The following SKAP2 variants were observed in gnomAD, a reference collection of about 807,000 sequenced individuals.
SKAP2 encodes the protein src kinase associated phosphoprotein 2.
A neutral mutation model predicts 54.9 loss-of-function variants in SKAP2; 28 were observed. That is an observed-to-expected ratio of 0.51 (90% CI 0.38 to 0.70). The LOEUF (loss-of-function observed/expected upper bound fraction) is 0.70. SKAP2 is among the 30% of genes least tolerant of loss of function. SKAP2 has a pLI of 0.00. For missense variants in SKAP2, 356 were observed against 424.1 expected, an observed-to-expected ratio of 0.84 and a Z score of 1.41; for synonymous variants, 137 against 134.3, an observed-to-expected ratio of 1.02 and a Z score of -0.14.
chr7:26,832,557 G>A (rs955777458), intron 4 of SKAP2, among the ~76,000 whole-genome samples: 1 of 152,088 alleles, frequency 6.6e-6, no homozygotes, highest in African/African-American at 2.4e-5. Context: ...CAGGCATGCT[G>A]GTGCATGCCT....
At chr7:26,857,324 A>AAAAAAAAAAC (rs1785189028) in intron 1 of SKAP2, 1 of 252,548 alleles carries the variant, frequency 4.0e-6, no homozygotes, top group African/African-American at 2.3e-5. Flanking sequence ...AAAAAAAAAA[A>AAAAAAAAAAC]AAAAAAAAAA....
intron 10 of SKAP2, among the ~76,000 whole-genome samples, chr7:26,688,156 C>A (rs1016582374): frequency 1.3e-5 from 2 of 151,946 alleles, no homozygotes; most frequent in Non-Finnish European, 2.9e-5. Context: ...ACATGATGAC[C>A]ACGGGTGAAA....
chr7:26,658,937 T>C, the SKAP2 span, among the ~76,000 whole-genome samples: 1 of 151,844 alleles, frequency 6.6e-6, no homozygotes, highest in South Asian at 2.1e-4. Flanking sequence ...TGAATTATCC[T>C]CATTCTTCTC....
At chr7:26,722,957 TGTA>T (rs1460034445) in intron 9 of SKAP2, among the ~76,000 whole-genome samples, 1 of 152,178 alleles carries the variant, frequency 6.6e-6, no homozygotes, top group Non-Finnish European at 1.5e-5. Context: ...GTGTTGAAAT[TGTA>T]GTATTATTTA....
chr7:26,859,709 C>G (rs1785241920), intron 1 of SKAP2, among the ~76,000 whole-genome samples: 1 of 152,086 alleles, frequency 6.6e-6, no homozygotes, highest in Non-Finnish European at 1.5e-5. Context: ...TAGCACCTTA[C>G]AATAATCAAA....
chr7:26,747,914 T>C (rs1435950276), intron 4 of SKAP2, among the ~76,000 whole-genome samples: 2 of 152,048 alleles, frequency 1.3e-5, no homozygotes, highest in Non-Finnish European at 2.9e-5. Context: ...AAAATTCTAA[T>C]GGCAAGATTC....
At chr7:26,770,408 T>C (rs1179358748) in intron 4 of SKAP2, among the ~76,000 whole-genome samples, 1 of 152,294 alleles carries the variant, frequency 6.6e-6, no homozygotes, top group East Asian at 1.9e-4. Context: ...GGGTGGGATC[T>C]GCTGAGCAAG....
At chr7:26,843,635 T>C (rs1157392476) in intron 4 of SKAP2, among the ~76,000 whole-genome samples, 1 of 151,994 alleles carries the variant, frequency 6.6e-6, no homozygotes, top group Non-Finnish European at 1.5e-5. Flanking sequence ...TTAACTCATT[T>C]TGTATAAAGT....
chr7:26,759,270 CA>C (rs953295280), intron 4 of SKAP2, among the ~76,000 whole-genome samples: 8 of 152,146 alleles, frequency 5.3e-5, no homozygotes, highest in Non-Finnish European at 1.0e-4. Context: ...ATAGCTATGA[CA>C]AATCCATTAA....
chr7:26,748,843 A>G (rs1423049010), intron 4 of SKAP2, among the ~76,000 whole-genome samples: 1 of 152,172 alleles, frequency 6.6e-6, no homozygotes, highest in Non-Finnish European at 1.5e-5. Flanking sequence ...ACTGCATTTT[A>G]GAATCACGTT....
chr7:26,700,592 A>G (rs1350414464), intron 9 of SKAP2, among the ~76,000 whole-genome samples: 1 of 152,200 alleles, frequency 6.6e-6, no homozygotes, highest in Non-Finnish European at 1.5e-5. Flanking sequence ...CTTGGAGCCA[A>G]TGAATAGCTA....
At chr7:26,839,995 AT>A (rs1455045381) in intron 4 of SKAP2, among the ~76,000 whole-genome samples, 1 of 151,988 alleles carries the variant, frequency 6.6e-6, no homozygotes, top group African/African-American at 2.4e-5. Flanking sequence ...ACCAAAAAAA[AT>A]TTTTAATATT....
chr7:26,721,375 T>A (rs1043504577), intron 9 of SKAP2, among the ~76,000 whole-genome samples: 1 of 152,218 alleles, frequency 6.6e-6, no homozygotes, highest in African/African-American at 2.4e-5. Context: ...TTCTTTTTTA[T>A]GTATATATAA....
chr7:26,761,503 A>G (rs1158018815), intron 4 of SKAP2, among the ~76,000 whole-genome samples: 1 of 152,230 alleles, frequency 6.6e-6, no homozygotes, highest in African/African-American at 2.4e-5. Context: ...TGCTATAAAG[A>G]GAATTATATA....
the SKAP2 span, among the ~76,000 whole-genome samples, chr7:26,654,787 T>A: frequency 6.6e-6 from 1 of 152,206 alleles, no homozygotes; most frequent in East Asian, 1.9e-4. Flanking sequence ...CAAGCAATAG[T>A]TTTTAATTGA....
intron 9 of SKAP2, among the ~76,000 whole-genome samples, chr7:26,699,018 T>C (rs927928714): frequency 3.3e-5 from 5 of 152,190 alleles, no homozygotes; most frequent in African/African-American, 1.2e-4. Flanking sequence ...TGTAATGAAC[T>C]AGTATTTTCC....
At chr7:26,854,003 T>C in intron 3 of SKAP2, 134 bp downstream of exon 3, 1 of 588,172 alleles carries the variant, frequency 1.7e-6, no homozygotes, top group South Asian at 2.3e-5. Context: ...ACTCTCATCT[T>C]GAAGGTCTAA....
chr7:26,722,682 T>G (rs997306676), intron 9 of SKAP2, among the ~76,000 whole-genome samples: 1 of 152,166 alleles, frequency 6.6e-6, no homozygotes, highest in Non-Finnish European at 1.5e-5. Context: ...GTGCTAGGAT[T>G]ACAGGCGTGA....
At chr7:26,723,367 C>A (rs555356172) in intron 9 of SKAP2, among the ~76,000 whole-genome samples, 1 of 152,124 alleles carries the variant, frequency 6.6e-6, no homozygotes, top group African/African-American at 2.4e-5. Flanking sequence ...CTGCCTACAA[C>A]GGCTTCCTTC....
Sources: gnomAD v4.1 joint callset for allele counts (sites outside exome capture counted in the v4.1 genomes callset) on GRCh38, gnomAD v4.1.1 for gene constraint, MANE v1.5 for transcripts, NCBI Gene and HGNC (gene_info 2026-07-23, HGNC 2026-07-21) for gene names.